NUDCD3: variants seen among roughly 807,000 people sequenced by gnomAD.
The protein encoded by NUDCD3 is nudC domain-containing protein 3.
NUDCD3 carries 13 observed loss-of-function variants against 39.7 expected under a neutral mutation model. The observed-to-expected ratio is 0.33, with a 90% CI of 0.21 to 0.52. The LOEUF (loss-of-function observed/expected upper bound fraction) is 0.52. NUDCD3 is among the 20% of genes least tolerant of loss of function. The pLI is 0.96. For synonymous variants in NUDCD3, 175 were observed against 172.4 expected, an observed-to-expected ratio of 1.02 and a Z score of -0.12; for missense variants, 453 against 458.1, an observed-to-expected ratio of 0.99 and a Z score of 0.10.
chr7:44,442,876 C>G (rs1428719146), intron 2 of NUDCD3, among the ~76,000 whole-genome samples: 2 of 151,684 alleles, frequency 1.3e-5, no homozygotes, highest in Non-Finnish European at 2.9e-5. Context: ...TTTTTTCTTT[C>G]TATTTTTAGT....
chr7:44,422,072 G>T (rs750144005), intron 3 of NUDCD3, among the ~76,000 whole-genome samples: 2 of 152,132 alleles, frequency 1.3e-5, no homozygotes, highest in Non-Finnish European at 2.9e-5. Flanking sequence ...CAGAAATAAC[G>T]AAGTTCTCTG....
rs1469750553 is a variant in NUDCD3 at position 44,382,258 on chromosome 7, G to A, written c.*3753C>T. 2.0e-5 allele frequency: 3 copies of A among 152,120 alleles called. No homozygotes were observed. The highest frequency in any genetic ancestry group is 2.0e-4 in the Admixed American group (3 of 15,282). The allele number at this position is 152,120 out of a possible 1,614,324, so 9.4% of individuals were successfully genotyped here. A position where few individuals can be genotyped will look rare whatever the true frequency, so the allele number is the denominator to read the frequency against. On this transcript the variant is annotated 3_prime_UTR_variant, in exon 6 of 6. Transcript: ENST00000355451. ...ATCAGGTATCATGCTGATTACCTGG[G>A]TGACAAAATTATCTGTACACCAAAC...
intron 2 of NUDCD3, among the ~76,000 whole-genome samples, chr7:44,438,783 C>T (rs1025612394): frequency 4.6e-5 from 7 of 152,134 alleles, no homozygotes; most frequent in African/African-American, 1.7e-4. Context: ...GAATGAAATA[C>T]GCAAGATACA....
At chr7:44,410,382 G>GCCA (rs1410401048) in intron 3 of NUDCD3, among the ~76,000 whole-genome samples, 1 of 152,232 alleles carries the variant, frequency 6.6e-6, no homozygotes, top group Non-Finnish European at 1.5e-5. Context: ...TCTAAAAACA[G>GCCA]CCAGGCACAG....
chr7:44,447,051 T>C (rs1351460612), intron 2 of NUDCD3, among the ~76,000 whole-genome samples: 1 of 152,234 alleles, frequency 6.6e-6, no homozygotes, highest in Non-Finnish European at 1.5e-5. Context: ...GGAAAAGCAA[T>C]TAGTTCTTGC....
intron 1 of NUDCD3, chr7:44,490,105 T>G: frequency 3.4e-6 from 1 of 296,110 alleles, no homozygotes; most frequent in Non-Finnish European, 6.3e-6. Flanking sequence ...CTGGCCTGCA[T>G]GGATTTCGCT....
rs55683944 is a variant in NUDCD3 at position 44,404,460 on chromosome 7, C to T, written c.766G>A (p.Glu256Lys). 2 of 1,614,058 alleles carry T rather than the reference C, an allele frequency of 1.2e-6. No homozygotes were observed. Among genetic ancestry groups the T allele is most frequent in the East Asian group, 2.2e-5 (1 of 44,880 alleles). The change falls in exon 4 of 6, where the codon GAG (glutamate) becomes AAG (lysine). Residue 256 changes from glutamate (E) to lysine (K), a missense_variant. Glu to Lys is a moderately conservative substitution (Grantham distance 56). Coordinates refer to ENST00000355451, the MANE Select transcript of NUDCD3 (RefSeq NM_015332.4). ...INTESSLWSLEPGKCVLVNLS... is the reference protein window; with the variant it reads ...INTESSLWSLKPGKCVLVNLS... Reference sequence around the variant, plus strand: ...CTTACCAAAACGCACTTCCCGGGCTCGAGACTCCAGAGAGAACTCTCAGTG... The same window carrying T: ...CTTACCAAAACGCACTTCCCGGGCTTGAGACTCCAGAGAGAACTCTCAGTG...
intron 2 of NUDCD3, among the ~76,000 whole-genome samples, chr7:44,432,436 A>G (rs1000632563): frequency 1.3e-5 from 2 of 152,208 alleles, no homozygotes; most frequent in Non-Finnish European, 2.9e-5. Flanking sequence ...TCAATGAGAC[A>G]AGGGCTGACC....
At chr7:44,450,838 T>C (rs1002163908) in intron 2 of NUDCD3, among the ~76,000 whole-genome samples, 3 of 152,102 alleles carry the variant, frequency 2.0e-5, no homozygotes, top group Non-Finnish European at 4.4e-5. Context: ...CAAATGGTCA[T>C]AGCACAAATG....
At chr7:44,427,812 G>A (rs1225119300) in intron 2 of NUDCD3, 109 bp from the exon 3 acceptor site, 5 of 1,157,616 alleles carry the variant, frequency 4.3e-6, no homozygotes, top group South Asian at 3.1e-5. Flanking sequence ...ACCAACTCAA[G>A]TTTCATCTCA....
At chr7:44,441,887 A>G (rs1799592099) in intron 2 of NUDCD3, among the ~76,000 whole-genome samples, 1 of 152,202 alleles carries the variant, frequency 6.6e-6, no homozygotes, top group African/African-American at 2.4e-5. Context: ...CCAGCTATGA[A>G]GACCACAGAG....
In NUDCD3 at chr7:44,392,321, C is replaced by T; in HGVS notation, c.951G>A (p.Gln317=). The change falls in exon 5 of 6, where the codon CAG becomes CAA. Residue 317 remains glutamine (Q), a synonymous_variant. Coordinates refer to ENST00000355451, the MANE Select transcript of NUDCD3 (RefSeq NM_015332.4). The part of the protein sequence containing the change: ...RLTFDYHQKL[Q]GKPQSHELKV... ...CCAGCTCATGGCTCTGTGGCTTGCC[C>T]TGCAGCTTCTGGTGGTAGTCAAAGG... is the stretch of plus-strand genomic sequence containing the variant. The T allele has an allele frequency of 6.2e-7, 1 of 1,614,112 alleles. No homozygotes were observed. The highest frequency in any genetic ancestry group is 8.5e-7 in the Non-Finnish European group (1 of 1,179,978).
chr7:44,413,877 A>G (rs772645392), intron 3 of NUDCD3, among the ~76,000 whole-genome samples: 10 of 152,114 alleles, frequency 6.6e-5, no homozygotes, highest in Non-Finnish European at 1.5e-4. Context: ...GCAACAAAGG[A>G]AAACCCCATC....
chr7:44,434,168 C>T (rs1477204969), intron 2 of NUDCD3, among the ~76,000 whole-genome samples: 5 of 152,188 alleles, frequency 3.3e-5, no homozygotes, highest in Non-Finnish European at 5.9e-5. Context: ...GGAGTGTTCA[C>T]TCCTGAGAGC....
chr7:44,387,944 C>T (rs1179910309), intron 5 of NUDCD3, among the ~76,000 whole-genome samples: 3 of 152,126 alleles, frequency 2.0e-5, no homozygotes, highest in African/African-American at 7.2e-5. Context: ...CACATCTGAG[C>T]GCAGACAGAG....
chr7:44,454,946 C>CAA (rs1799865605), intron 2 of NUDCD3, among the ~76,000 whole-genome samples: 1 of 151,826 alleles, frequency 6.6e-6, no homozygotes, highest in African/African-American at 2.4e-5. Context: ...AACACACACA[C>CAA]ACACACACAC....
chr7:44,453,736 T>A (rs184893617), intron 2 of NUDCD3, among the ~76,000 whole-genome samples: 90 of 152,268 alleles, frequency 5.9e-4, no homozygotes, highest in Non-Finnish European at 1.2e-3. Flanking sequence ...TTTTAAAACA[T>A]CTTTAAATGT....
Position 44,392,629 on chromosome 7 carries a change from G to A in NUDCD3, c.787-144C>T. 5.9e-6 allele frequency: 4 copies of A among 680,438 alleles called. No individual in the cohort carries two copies. The East Asian group carries it at 1.1e-4, about 19-fold the overall frequency. The allele number at this position is 680,438 out of a possible 1,614,324, so 42.2% of individuals were successfully genotyped here. A position where few individuals can be genotyped will look rare whatever the true frequency, so the allele number is the denominator to read the frequency against. On this transcript the variant is annotated intron_variant, in intron 4 of 5. Transcript: ENST00000355451. The stretch of plus-strand genomic sequence containing the variant: ...AAAGGGAGGTGACAGACAAGAGGGG[G>A]TGCCAGAACCCAAGGCAGGACCCTC...
intron 2 of NUDCD3, among the ~76,000 whole-genome samples, chr7:44,481,907 G>A (rs1163700851): frequency 6.6e-6 from 1 of 152,084 alleles, no homozygotes; most frequent in Non-Finnish European, 1.5e-5. Flanking sequence ...ACCATTTGAG[G>A]ACACAGCAAG....
Sources: allele counts gnomAD v4.1 joint callset (sites outside exome capture counted in the v4.1 genomes callset), GRCh38; gene constraint gnomAD v4.1.1; transcripts MANE v1.5; gene names NCBI Gene and HGNC (gene_info 2026-07-23, HGNC 2026-07-21).